NCKAP1: variants seen among roughly 807,000 people sequenced by gnomAD.
NCKAP1 encodes nck-associated protein 1.
NCKAP1 carries 21 observed loss-of-function variants against 151.2 expected under a neutral mutation model. The ratio of observed to expected loss-of-function variants is 0.14; its 90% CI spans 0.10 to 0.20. The LOEUF is 0.20. Among genes scored for constraint, NCKAP1 ranks in the 10% least tolerant of loss-of-function variants. The probability of loss-of-function intolerance (pLI) is 1.00; values close to 1 mark genes in which losing one functional copy is unlikely to be tolerated. For missense variants in NCKAP1, 933 were observed against 1,352.1 expected (o/e 0.69, Z 4.86); for synonymous variants, 484 against 451.8 (o/e 1.07, Z -0.90).
intron 9 of NCKAP1, among the ~76,000 whole-genome samples, chr2:182,986,540 G>A (rs1429407670): frequency 6.6e-6 from 1 of 152,088 alleles, no homozygotes; most frequent in Non-Finnish European, 1.5e-5. Context: ...TACTTCTGAT[G>A]TAATTAACAT....
rs1256865008 is a variant in NCKAP1, at chr2:182,919,036, G to A, written c.*6666C>T. 5 of 152,040 alleles carry A rather than the reference G, an allele frequency of 3.3e-5. No homozygotes were observed. Among genetic ancestry groups the A allele is most frequent in the Non-Finnish European group, 7.4e-5 (5 of 68,012 alleles). The allele number at this position is 152,040 out of a possible 1,614,324, so 9.4% of individuals were successfully genotyped here. ...TTCAGTTTCCATATCAATAAATGGG[G>A]GTCATCATGATATAGGATTACTGTG... On this transcript the variant is annotated 3_prime_UTR_variant, in exon 31 of 31. Transcript: ENST00000361354.
At chr2:182,976,250 C>A (rs1047006520) in intron 15 of NCKAP1, among the ~76,000 whole-genome samples, 1 of 152,166 alleles carries the variant, frequency 6.6e-6, no homozygotes, top group African/African-American at 2.4e-5. Context: ...GGCTTGCATT[C>A]TTAATGCCTT....
At chr2:182,978,016 T>C (rs1184843744) in intron 14 of NCKAP1, among the ~76,000 whole-genome samples, 3 of 152,180 alleles carry the variant, frequency 2.0e-5, no homozygotes, top group Non-Finnish European at 2.9e-5. Context: ...TGTGCTTACA[T>C]GTCAATTTAC....
rs376536281 is a variant in NCKAP1 at position 183,038,111 on chromosome 2, T to TGCCGCC, written c.-18_-13dup. ...ACTGAGCGCGACATGGTGGTGCTGG[T>TGCCGCC]GCCGCCGCCGCCGCCGGCCGCCTCG... On this transcript the variant is annotated 5_prime_UTR_variant, in exon 1 of 31. Transcript: ENST00000361354. The TGCCGCC allele has an allele frequency of 1.7e-4, 265 of 1,539,240 alleles. 1 individual carries two copies. Among genetic ancestry groups the TGCCGCC allele is most frequent in the Non-Finnish European group, 1.7e-4 (197 of 1,152,418 alleles).
chr2:183,021,005 T>A (rs887016010), intron 2 of NCKAP1, among the ~76,000 whole-genome samples: 1 of 152,042 alleles, frequency 6.6e-6, no homozygotes, highest in African/African-American at 2.4e-5. Context: ...AAAGGCAATA[T>A]GAAAAAACTC....
chr2:183,014,932 A>G (rs933945465), intron 2 of NCKAP1, among the ~76,000 whole-genome samples: 4 of 152,238 alleles, frequency 2.6e-5, no homozygotes, highest in African/African-American at 9.6e-5. Context: ...AAATGGACCA[A>G]CAACTGTTTG....
At chr2:182,958,015 G>T (rs1697360973) in intron 18 of NCKAP1, among the ~76,000 whole-genome samples, 2 of 152,218 alleles carry the variant, frequency 1.3e-5, no homozygotes, top group African/African-American at 4.8e-5. Context: ...AGCATAACGT[G>T]TAAGGTAAAG....
intron 1 of NCKAP1, chr2:183,025,083 G>T: frequency 1.7e-6 from 2 of 1,190,620 alleles, no homozygotes; most frequent in Non-Finnish European, 2.5e-6. Context: ...GAAAACTTAT[G>T]CACTGCAGAC....
intron 23 of NCKAP1, among the ~76,000 whole-genome samples, chr2:182,951,488 G>A (rs1697214417): frequency 6.6e-6 from 1 of 151,622 alleles, no homozygotes; most frequent in African/African-American, 2.4e-5. Flanking sequence ...GGCCAACACG[G>A]TGAAACACCG....
In NCKAP1 at chr2:182,956,559, A is replaced by G. The variant is rs1444747796; in HGVS notation, c.2056T>C (p.Cys686Arg). The change falls in exon 20 of 31, where the codon TGC becomes CGC. Residue 686 changes from cysteine (C) to arginine (R), a missense_variant. This residue lies in a region of NCKAP1 where 326 missense variants were observed against 557.1 expected (regional missense o/e 0.59). Coordinates refer to ENST00000361354, the MANE Select transcript of NCKAP1 (RefSeq NM_013436.5). ...DKLHTALSEL[C>R]FSINYVPNMV... ...TTTGGTACATAATTTATAGAGAAGC[A>G]TAACTCAGAAAGTGCAGTGTGCAAT... 2 of 1,610,028 alleles carry G rather than the reference A, an allele frequency of 1.2e-6. No individual in the cohort carries two copies. Among genetic ancestry groups the G allele is most frequent in the Non-Finnish European group, 1.7e-6 (2 of 1,178,198 alleles).
chr2:182,949,742 T>G (rs1274428604), intron 23 of NCKAP1, among the ~76,000 whole-genome samples: 1 of 152,060 alleles, frequency 6.6e-6, no homozygotes, highest in Non-Finnish European at 1.5e-5. Flanking sequence ...TGGCAGTGAG[T>G]CATGATCACA....
chr2:183,037,856 C>T, intron 1 of NCKAP1, 136 bp downstream of exon 1: 1 of 632,680 alleles, frequency 1.6e-6, no homozygotes, highest in African/African-American at 2.0e-5. Flanking sequence ...CAGGCGACCC[C>T]GGGCCGGGCC....
chr2:182,947,664 C>G (rs1697134561), intron 23 of NCKAP1, among the ~76,000 whole-genome samples: 1 of 152,036 alleles, frequency 6.6e-6, no homozygotes, highest in Non-Finnish European at 1.5e-5. Flanking sequence ...GAATTACCTA[C>G]CAATACTGGA....
At chr2:182,983,173 A>T (rs1370132677) in intron 11 of NCKAP1, 113 bp downstream of exon 11, 1 of 849,442 alleles carries the variant, frequency 1.2e-6, no homozygotes, top group African/African-American at 1.7e-5. Flanking sequence ...TCCACTAAAT[A>T]TAAAAATCCT....
At position 182,953,423 on chromosome 2, in the gene NCKAP1, C is replaced by T. The variant is rs1219352046; in HGVS notation, c.2154-92G>A. 20 of 752,960 alleles carry T rather than the reference C, an allele frequency of 2.7e-5. No homozygotes were observed. The East Asian group carries it at 5.4e-4, about 20-fold the overall frequency. The allele number at this position is 752,960 out of a possible 1,614,324, so 46.6% of individuals were successfully genotyped here. On this transcript the variant is annotated intron_variant, in intron 20 of 30. Transcript: ENST00000361354. ...CAACCTACTGTTATCTAATATTAAA[C>T]AAGCAATAAAATTAACTTTAAAAAT...
chr2:182,978,052 T>A (rs1697861371), intron 14 of NCKAP1, among the ~76,000 whole-genome samples: 1 of 152,084 alleles, frequency 6.6e-6, no homozygotes, highest in Non-Finnish European at 1.5e-5. Flanking sequence ...ATTTGAGAGA[T>A]CCTACGAATA....
chr2:182,928,522 C>G (rs1221850721), intron 28 of NCKAP1, among the ~76,000 whole-genome samples: 3 of 151,974 alleles, frequency 2.0e-5, no homozygotes, highest in Non-Finnish European at 2.9e-5. Flanking sequence ...AAGTGCTTAG[C>G]TGCTTTACAA....
rs1696603425 is a variant in NCKAP1 at position 182,924,551 on chromosome 2, T to A, written c.*1151A>T. 1 of 152,098 alleles carries A rather than the reference T, an allele frequency of 6.6e-6. No homozygotes were observed. Among genetic ancestry groups the A allele is most frequent in the African/African-American group, 2.4e-5 (1 of 41,382 alleles). 9.4% of individuals were successfully genotyped at this position (152,098 alleles called of 1,614,324 possible). A position where few individuals can be genotyped will look rare whatever the true frequency, so the allele number is the denominator to read the frequency against. ...CTGACTAATGCAGCAGTTCTCAACA[T>A]TCTCACTAGTCCCATGATCACTCAA... On this transcript the variant is annotated 3_prime_UTR_variant, in exon 31 of 31. Transcript: ENST00000361354.
chr2:183,031,259 A>T (rs2105900050), intron 1 of NCKAP1, among the ~76,000 whole-genome samples: 1 of 152,344 alleles, frequency 6.6e-6, no homozygotes, highest in African/African-American at 2.4e-5. Flanking sequence ...CAAATGAGTT[A>T]TTAATTACCA....
Sources: allele counts gnomAD v4.1 joint callset (sites outside exome capture counted in the v4.1 genomes callset), GRCh38; gene constraint gnomAD v4.1.1; regional missense constraint gnomAD v4.1.1; transcripts MANE v1.5; gene names NCBI Gene and HGNC (gene_info 2026-07-23, HGNC 2026-07-21).